SMARCA1: variants seen among roughly 807,000 people sequenced by gnomAD.
SMARCA1 encodes the protein SWI/SNF-related matrix-associated actin-dependent regulator of chromatin subfamily A member 1.
In SMARCA1, 17 loss-of-function variants were observed where a neutral mutation model predicts 93.6. The observed-to-expected ratio is 0.18, with a 90% CI of 0.12 to 0.27. SMARCA1 has a LOEUF of 0.27. Ranked by LOEUF, SMARCA1 falls within the 10% of genes least tolerant of loss-of-function variation. The pLI, the probability that SMARCA1 is intolerant of heterozygous loss-of-function variation, is 1.00. For synonymous variants in SMARCA1, 271 were observed against 271.4 expected (o/e 1.00, Z 0.01); for missense variants, 630 against 819.0 (o/e 0.77, Z 2.82).
At chrX:129,497,474 C>T (rs766885047) in intron 11 of SMARCA1, among the ~76,000 whole-genome samples, 6 of 111,995 alleles carry the variant, frequency 5.4e-5, no homozygotes, top group East Asian at 2.8e-4. Flanking sequence ...CCTTGTTTCA[C>T]GCCTCTGTTT....
intron 9 of SMARCA1, 81 bp downstream of exon 9, chrX:129,504,653 C>T: frequency 2.0e-6 from 1 of 493,306 alleles, no homozygotes; most frequent in South Asian, 3.5e-5. Flanking sequence ...CAAGTTCAAA[C>T]AGATTCCATA....
chrX:129,500,705 C>T (rs1306185512), intron 9 of SMARCA1, among the ~76,000 whole-genome samples: 1 of 111,758 alleles, frequency 8.9e-6, no homozygotes, highest in African/African-American at 3.3e-5. Flanking sequence ...TAGAAAACCA[C>T]GTGTCCCAGC....
intron 12 of SMARCA1, among the ~76,000 whole-genome samples, chrX:129,494,228 C>T (rs1444389098): frequency 9.0e-6 from 1 of 111,498 alleles, no homozygotes; most frequent in Non-Finnish European, 1.9e-5. Context: ...ACTGCTCTGC[C>T]ATGATATTCT....
intron 18 of SMARCA1, 81 bp from the exon 19 acceptor site, chrX:129,480,895 T>A (rs1387548392): frequency 1.6e-6 from 1 of 638,232 alleles, no homozygotes; most frequent in East Asian, 3.6e-5. Flanking sequence ...ATTTCTGTGA[T>A]ATATGGAACA....
Position 129,497,904 on chromosome X carries a change from A to G in SMARCA1, c.1445T>C (p.Val482Ala). 8.3e-7 allele frequency: 1 copy of G among 1,210,293 alleles called. No homozygotes were observed. Among genetic ancestry groups the G allele is most frequent in the South Asian group, 1.8e-5 (1 of 56,947 alleles). ...AACTACCATTTTACCACTGTTGCTG[A>G]CAATATGCTCATCAGTGGTATAAGG... ...GPPYTTDEHI[V>A]SNSGKMVVLD... The change falls in exon 11 of 25, where the codon GTC (valine) becomes GCC (alanine). Residue 482 changes from valine (V) to alanine (A), a missense_variant. This residue lies in a region of SMARCA1 where 382 missense variants were observed against 537.9 expected (regional missense o/e 0.71). Coordinates refer to ENST00000371121, the MANE Select transcript of SMARCA1 (RefSeq NM_001282874.2).
At chrX:129,491,706 C>A (rs747035283) in intron 14 of SMARCA1, among the ~76,000 whole-genome samples, 28 of 111,348 alleles carry the variant, frequency 2.5e-4, no homozygotes, top group South Asian at 7.5e-4. Context: ...ATGAAAAAAA[C>A]CAAAATCAAC....
intron 19 of SMARCA1, among the ~76,000 whole-genome samples, chrX:129,473,101 G>C (rs919621951): frequency 1.8e-5 from 2 of 111,558 alleles, no homozygotes; most frequent in Admixed American, 1.9e-4. Context: ...ATGTTGAAAA[G>C]AGATAAGAAA....
intron 17 of SMARCA1, among the ~76,000 whole-genome samples, chrX:129,483,313 T>C (rs1933763084): frequency 8.9e-6 from 1 of 111,799 alleles, no homozygotes; most frequent in Admixed American, 9.5e-5. Flanking sequence ...AACACTACAG[T>C]GTTCAGAGGC....
intron 16 of SMARCA1, among the ~76,000 whole-genome samples, chrX:129,488,682 T>A (rs1469774954): frequency 9.3e-6 from 1 of 108,041 alleles, no homozygotes; most frequent in East Asian, 2.9e-4. Flanking sequence ...GGCTTTTAGA[T>A]ATAGTATTTT....
chrX:129,504,352 A>C (rs781732023), intron 9 of SMARCA1, among the ~76,000 whole-genome samples: 24 of 110,189 alleles, frequency 2.2e-4, no homozygotes, highest in South Asian at 7.9e-4. Flanking sequence ...CTTCAAAGGA[A>C]GAGCTTTATA....
chrX:129,460,106 T>C (rs1345302399), intron 23 of SMARCA1, among the ~76,000 whole-genome samples: 2 of 110,571 alleles, frequency 1.8e-5, no homozygotes, highest in Non-Finnish European at 3.8e-5. Context: ...CCCATGATCA[T>C]GCCACTGCAC....
intron 9 of SMARCA1, among the ~76,000 whole-genome samples, chrX:129,501,256 C>G: frequency 9.1e-6 from 1 of 110,290 alleles, no homozygotes; most frequent in Non-Finnish European, 1.9e-5. Context: ...ATTTCCTCAT[C>G]GGTTCATCCA....
intron 23 of SMARCA1, among the ~76,000 whole-genome samples, chrX:129,464,045 T>A (rs1832449563): frequency 8.9e-6 from 1 of 112,424 alleles, no homozygotes; most frequent in Admixed American, 9.4e-5. Context: ...TCCTTCTGGA[T>A]CATGGCTTGG....
At position 129,499,786 on chromosome X, in the gene SMARCA1, G is replaced by A; in HGVS notation, c.1223C>T (p.Pro408Leu). ...GTAAATCTTTATTTCCTTTTTAGGT[G>A]GCAGACTCTTCTCTACATCAGTTTT... ...RIKTDVEKSL[P>L]PKKEIKIYLG... The change falls in exon 10 of 25, where the codon CCA becomes CTA. Residue 408 changes from proline (P) to leucine (L), a missense_variant. Physicochemically the swap from Pro to Leu is moderately conservative, Grantham distance 98. Coordinates refer to ENST00000371121, the MANE Select transcript of SMARCA1 (RefSeq NM_001282874.2). 8.4e-7 allele frequency: 1 copy of A among 1,187,740 alleles called. No homozygotes were observed.
chrX:129,453,262 G>A (rs893200589), intron 23 of SMARCA1, among the ~76,000 whole-genome samples: 1 of 111,671 alleles, frequency 9.0e-6, no homozygotes, highest in African/African-American at 3.3e-5. Context: ...AGTTGAGACA[G>A]GCCAAAAGCT....
At chrX:129,496,578 G>GA (rs1934337335) in intron 12 of SMARCA1, among the ~76,000 whole-genome samples, 172 bp downstream of exon 12, 2 of 111,143 alleles carry the variant, frequency 1.8e-5, no homozygotes, top group African/African-American at 6.6e-5. Context: ...GATTTGTAAA[G>GA]AATCAATGGA....
At chrX:129,456,206 GAAC>G (rs775416458) in intron 23 of SMARCA1, among the ~76,000 whole-genome samples, 7 of 111,414 alleles carry the variant, frequency 6.3e-5, no homozygotes, top group Admixed American at 9.6e-5. Flanking sequence ...TCTAGAACTG[GAAC>G]AACAAAGGCT....
chrX:129,447,334 A>G, intron 24 of SMARCA1, 101 bp from the exon 25 acceptor site: 1 of 876,967 alleles, frequency 1.1e-6, no homozygotes, highest in Non-Finnish European at 1.5e-6. Context: ...AAAAATTTTA[A>G]CATGAATATT....
At position 129,459,811 on chromosome X, in the gene SMARCA1, G is replaced by T. The variant is rs141763880; in HGVS notation, c.3030+5709C>A. Among the ~76,000 whole-genome samples the T allele has an allele frequency of 5.7e-3, 637 of 111,777 alleles. 4 individuals are homozygous for T. Among genetic ancestry groups the T allele is most frequent in the Non-Finnish European group, 7.9e-3 (420 of 53,143 alleles). On this transcript the variant is annotated intron_variant, in intron 23 of 24. Transcript: ENST00000371121. Reference sequence around the variant, plus strand: ...TTCTATGCCCATTTATTCACTGAACGCCTACTCTGGGTCACGTGCTATGCT... The same window carrying T: ...TTCTATGCCCATTTATTCACTGAACTCCTACTCTGGGTCACGTGCTATGCT...
Sources: allele counts gnomAD v4.1 joint callset (sites outside exome capture counted in the v4.1 genomes callset), GRCh38; gene constraint gnomAD v4.1.1; regional missense constraint gnomAD v4.1.1; transcripts MANE v1.5; gene names NCBI Gene and HGNC (gene_info 2026-07-23, HGNC 2026-07-21).